Variants in CTSS observed in about 807,000 individuals in gnomAD.
CTSS encodes cathepsin S.
A neutral mutation model predicts 39.9 loss-of-function variants in CTSS; 15 were observed. The ratio of observed to expected loss-of-function variants is 0.38; its 90% CI spans 0.25 to 0.58. The LOEUF (loss-of-function observed/expected upper bound fraction) is 0.58. Among genes scored for constraint, CTSS ranks in the 20% least tolerant of loss-of-function variants. The probability of loss-of-function intolerance (pLI) is 0.70; values close to 1 mark genes in which losing one functional copy is unlikely to be tolerated. For synonymous variants in CTSS, 126 were observed against 138.2 expected, an observed-to-expected ratio of 0.91 and a Z score of 0.62; for missense variants, 250 against 398.2, an observed-to-expected ratio of 0.63 and a Z score of 3.17.
At chr1:150,756,809 C>T (rs1307400409) in intron 3 of CTSS, among the ~76,000 whole-genome samples, 1 of 151,450 alleles carries the variant, frequency 6.6e-6, no homozygotes, top group Non-Finnish European at 1.5e-5. Flanking sequence ...CTCTGCCTCC[C>T]GGGTTCAAGC....
chr1:150,748,097 C>G (rs1652927779), intron 6 of CTSS: 1 of 396,020 alleles, frequency 2.5e-6, no homozygotes, highest in South Asian at 3.4e-5. Context: ...CGAGACCATC[C>G]TGGCCAACAT....
intron 4 of CTSS, among the ~76,000 whole-genome samples, chr1:150,754,261 C>A (rs587623781): frequency 5.8e-5 from 8 of 138,828 alleles, no homozygotes; most frequent in Non-Finnish European, 1.1e-4. Flanking sequence ...TTACAGGCGC[C>A]CACCACCACG....
chr1:150,752,032 A>G, intron 4 of CTSS, 24 bp from the exon 5 acceptor site: 1 of 1,609,370 alleles, frequency 6.2e-7, no homozygotes, highest in South Asian at 1.1e-5. Flanking sequence ...AAGGTCACAA[A>G]CGCAAATCAC....
chr1:150,751,450 GT>G (rs775977412), intron 5 of CTSS, among the ~76,000 whole-genome samples: 1 of 151,986 alleles, frequency 6.6e-6, no homozygotes, highest in Non-Finnish European at 1.5e-5. Context: ...GTTTCACCAC[GT>G]TGGCCAGGCT....
rs940929000 is a variant in CTSS, at chr1:150,730,336, T to C, written c.*2710A>G. The C allele has an allele frequency of 2.0e-5, 3 of 152,198 alleles. No homozygotes were observed. The highest frequency in any genetic ancestry group is 2.9e-5 in the Non-Finnish European group (2 of 68,022). The allele number at this position is 152,198 out of a possible 1,614,324, so 9.4% of individuals were successfully genotyped here. ...AGCAGCCAGTGATGTAGAAATGTCA[T>C]AGGGCAAAGTGTGAACAAGCTAAAT... On this transcript the variant is annotated 3_prime_UTR_variant, in exon 8 of 8. Coordinates refer to ENST00000368985, the MANE Select transcript of CTSS (RefSeq NM_004079.5).
chr1:150,756,311 C>T (rs763802016), intron 3 of CTSS, among the ~76,000 whole-genome samples: 3 of 152,104 alleles, frequency 2.0e-5, no homozygotes, highest in Non-Finnish European at 4.4e-5. Flanking sequence ...AAGGACCTGC[C>T]TGAGGCTGTT....
chr1:150,741,414 G>A (rs1426202097), intron 7 of CTSS, among the ~76,000 whole-genome samples: 1 of 152,134 alleles, frequency 6.6e-6, no homozygotes, highest in Non-Finnish European at 1.5e-5. Flanking sequence ...AATGCATGGA[G>A]TTGATTATGT....
intron 7 of CTSS, among the ~76,000 whole-genome samples, chr1:150,738,375 A>G (rs903070174): frequency 3.3e-5 from 5 of 152,210 alleles, no homozygotes; most frequent in Non-Finnish European, 7.3e-5. Flanking sequence ...TATCGGCACA[A>G]TGTTTCCAAC....
intron 1 of CTSS, 73 bp from the exon 2 acceptor site, chr1:150,764,837 G>A: frequency 6.5e-7 from 1 of 1,546,358 alleles, no homozygotes. Flanking sequence ...TTTCATAAGA[G>A]AAAATAACAA....
intron 6 of CTSS, among the ~76,000 whole-genome samples, chr1:150,748,454 GT>G (rs969807181): frequency 4.6e-5 from 7 of 151,642 alleles, no homozygotes; most frequent in Non-Finnish European, 5.9e-5. Flanking sequence ...CTTTTTCTAA[GT>G]TTTTTTCTTT....
chr1:150,751,736 A>G (rs1006486355), intron 5 of CTSS, 45 bp downstream of exon 5: 2 of 1,557,362 alleles, frequency 1.3e-6, no homozygotes, highest in Admixed American at 1.7e-5. Context: ...GTCAGTGGAT[A>G]ACATGAGATC....
At chr1:150,751,739 A>AG in intron 5 of CTSS, 42 bp downstream of exon 5, 1 of 1,571,542 alleles carries the variant, frequency 6.4e-7, no homozygotes, top group Non-Finnish European at 8.8e-7. Flanking sequence ...AGTGGATAAC[A>AG]TGAGATCATG....
At chr1:150,738,451 C>A (rs1449756452) in intron 7 of CTSS, among the ~76,000 whole-genome samples, 1 of 151,274 alleles carries the variant, frequency 6.6e-6, no homozygotes, top group Non-Finnish European at 1.5e-5. Context: ...CAACTGTTTT[C>A]ATTATTAGCA....
intron 7 of CTSS, among the ~76,000 whole-genome samples, chr1:150,740,719 C>T (rs1652733678): frequency 6.7e-6 from 1 of 148,600 alleles, no homozygotes; most frequent in Non-Finnish European, 1.5e-5. Context: ...GAGATAGGGT[C>T]TCATTCTGTC....
intron 7 of CTSS, among the ~76,000 whole-genome samples, chr1:150,746,343 T>A (rs1243712899): frequency 2.0e-5 from 3 of 152,082 alleles, no homozygotes; most frequent in Non-Finnish European, 4.4e-5. Context: ...TTTCCTCCAT[T>A]TTTTCCCTCT....
intron 7 of CTSS, among the ~76,000 whole-genome samples, chr1:150,737,107 C>CT (rs904372997): frequency 1.7e-3 from 251 of 146,774 alleles, no homozygotes; most frequent in Middle Eastern, 3.6e-3. Context: ...AGTCCATCTA[C>CT]TTTTTTTTTT....
intron 1 of CTSS, among the ~76,000 whole-genome samples, chr1:150,765,184 T>G (rs1423433242): frequency 6.6e-6 from 1 of 152,100 alleles, no homozygotes; most frequent in African/African-American, 2.4e-5. Flanking sequence ...ACATGGGCTC[T>G]TCTTAACTGA....
At chr1:150,761,178 CAAAAA>C (rs33945837) in intron 2 of CTSS, among the ~76,000 whole-genome samples, 7 of 102,526 alleles carry the variant, frequency 6.8e-5, no homozygotes, top group Non-Finnish European at 1.2e-4. Context: ...GAATCCGCCT[CAAAAA>C]AAAAAAAAAA....
chr1:150,759,538 G>A (rs745309112), intron 2 of CTSS, among the ~76,000 whole-genome samples: 19 of 151,750 alleles, frequency 1.3e-4, no homozygotes, highest in East Asian at 1.9e-4. Flanking sequence ...GATTTTTATC[G>A]CAATGACAAT....
Sources: gnomAD v4.1 joint callset for allele counts (sites outside exome capture counted in the v4.1 genomes callset) on GRCh38, gnomAD v4.1.1 for gene constraint, MANE v1.5 for transcripts, NCBI Gene and HGNC (gene_info 2026-07-23, HGNC 2026-07-21) for gene names.